The following RNF220 variants were observed in gnomAD, a reference collection of about 807,000 sequenced individuals.
RNF220 encodes ring finger protein 220, also known as E3 ubiquitin-protein ligase RNF220.
Under a neutral mutation model 67.1 loss-of-function variants are expected in RNF220, and 7 were observed. The observed-to-expected ratio is 0.10, with a 90% CI of 0.06 to 0.20. The LOEUF is 0.20. Ranked by LOEUF, RNF220 falls within the 10% of genes least tolerant of loss-of-function variation. The pLI is 1.00. For synonymous variants in RNF220, 270 were observed against 283.2 expected, an observed-to-expected ratio of 0.95 and a Z score of 0.47; for missense variants, 565 against 740.3, an observed-to-expected ratio of 0.76 and a Z score of 2.75.
At chr1:44,425,639 G>A (rs1195057137) in intron 2 of RNF220, among the ~76,000 whole-genome samples, 1 of 152,202 alleles carries the variant, frequency 6.6e-6, no homozygotes, top group East Asian at 1.9e-4. Context: ...GTGATGCTGG[G>A]TAAGTCTCTG....
chr1:44,473,668 C>T (rs1655020618), intron 2 of RNF220, among the ~76,000 whole-genome samples: 1 of 152,120 alleles, frequency 6.6e-6, no homozygotes, highest in African/African-American at 2.4e-5. Flanking sequence ...AGATAATTTC[C>T]TTCAGAGGGG....
chr1:44,463,482 T>C (rs1436319504), intron 2 of RNF220, among the ~76,000 whole-genome samples: 1 of 152,194 alleles, frequency 6.6e-6, no homozygotes, highest in Non-Finnish European at 1.5e-5. Context: ...TGAAATGATT[T>C]GTCGTTCTAA....
intron 3 of RNF220, among the ~76,000 whole-genome samples, chr1:44,615,813 T>C (rs1643521738): frequency 6.6e-6 from 1 of 152,230 alleles, no homozygotes; most frequent in Admixed American, 6.5e-5. Flanking sequence ...CAAACTACCC[T>C]AAAACCTAGC....
At chr1:44,637,439 G>A (rs956804731) in intron 8 of RNF220, among the ~76,000 whole-genome samples, 5 of 152,216 alleles carry the variant, frequency 3.3e-5, no homozygotes, top group Non-Finnish European at 7.3e-5. Context: ...CAGGGCTGAC[G>A]ACTGTCCCAT....
intron 8 of RNF220, among the ~76,000 whole-genome samples, chr1:44,641,049 T>G (rs1179451678): frequency 2.6e-5 from 4 of 152,194 alleles, no homozygotes; most frequent in African/African-American, 9.7e-5. Context: ...ACACTGATTT[T>G]TTTTTTCTCC....
chr1:44,461,304 C>A (rs921000100), intron 2 of RNF220, among the ~76,000 whole-genome samples: 5 of 152,154 alleles, frequency 3.3e-5, no homozygotes, highest in African/African-American at 9.7e-5. Context: ...CCCTTACTTG[C>A]ATGAACTCCT....
chr1:44,605,296 CAAAA>C (rs1553120199), intron 2 of RNF220, among the ~76,000 whole-genome samples: 1 of 52,076 alleles, frequency 1.9e-5, no homozygotes. Flanking sequence ...GACTCCGTCT[CAAAA>C]AAAAAAAAAA....
At position 44,636,071 on chromosome 1, in the gene RNF220, C is replaced by A; in HGVS notation, c.1035C>A (p.Ile345=). Residue 345 remains isoleucine, a synonymous_variant, in exon 8 of 15, where the codon ATC becomes ATA. Coordinates refer to ENST00000361799, the MANE Select transcript of RNF220 (RefSeq NM_018150.4). ...SCMAEDDAVD[I]EHENNNRFEE... Reference sequence around the variant, plus strand: ...TGGCTGAGGATGATGCTGTGGACATCGAGCATGAGAACAACAACCGCTTTG... The same window carrying A: ...TGGCTGAGGATGATGCTGTGGACATAGAGCATGAGAACAACAACCGCTTTG... The A allele has an allele frequency of 6.2e-7, 1 of 1,614,190 alleles. No individual in the cohort carries two copies. Among genetic ancestry groups the A allele is most frequent in the Non-Finnish European group, 8.5e-7 (1 of 1,180,038 alleles).
chr1:44,459,599 A>G (rs1462214408), intron 2 of RNF220, among the ~76,000 whole-genome samples: 1 of 152,198 alleles, frequency 6.6e-6, no homozygotes, highest in Non-Finnish European at 1.5e-5. Context: ...CGAACAAAAA[A>G]GTGAGATTTG....
At chr1:44,406,232 G>A (rs765398392) in intron 1 of RNF220, among the ~76,000 whole-genome samples, 3 of 152,190 alleles carry the variant, frequency 2.0e-5, no homozygotes, top group Non-Finnish European at 4.4e-5. Flanking sequence ...AGGGTGTGGA[G>A]GGAGGGAGGT....
chr1:44,450,163 T>G (rs948023855), intron 2 of RNF220, among the ~76,000 whole-genome samples: 4 of 151,950 alleles, frequency 2.6e-5, no homozygotes, highest in African/African-American at 9.7e-5. Flanking sequence ...GAGCCGAGAT[T>G]GCGCCATTGC....
chr1:44,641,994 C>T (rs941665346), intron 8 of RNF220, among the ~76,000 whole-genome samples: 1 of 152,252 alleles, frequency 6.6e-6, no homozygotes, highest in Admixed American at 6.5e-5. Context: ...AGGCCACCAG[C>T]TAACTAGGAC....
At chr1:44,463,538 C>CT (rs199692921) in intron 2 of RNF220, among the ~76,000 whole-genome samples, 223 of 144,230 alleles carry the variant, frequency 1.5e-3, no homozygotes, top group African/African-American at 4.4e-3. Context: ...AATTTTGTTT[C>CT]TTTTTTTTTT....
intron 8 of RNF220, chr1:44,644,345 T>C: frequency 4.5e-6 from 1 of 220,004 alleles, no homozygotes; most frequent in Non-Finnish European, 9.2e-6. Context: ...GTGAAATTCC[T>C]AGACCTGAAT....
chr1:44,425,904 C>T lies in RNF220; in HGVS notation c.625+13182C>T, dbSNP rs112176227. On this transcript the variant is annotated intron_variant, in intron 2 of 14. Transcript: ENST00000361799. Reference sequence around the variant, plus strand: ...GAGTGTTCAACCTAGAGGGAGCCCTCTGACATGCCATTCCCTCCTTGAAGC... The same window carrying T: ...GAGTGTTCAACCTAGAGGGAGCCCTTTGACATGCCATTCCCTCCTTGAAGC... Among the ~76,000 whole-genome samples, 73 of 152,298 alleles carry T rather than the reference C, an allele frequency of 4.8e-4. 1 individual carries two copies. The highest frequency in any genetic ancestry group is 1.8e-3 in the African/African-American group (73 of 41,564).
rs529084632 is a variant in RNF220, at chr1:44,520,313, A to C, written c.626-93852A>C. ...CCGTCTCTACTAAAAAATACAAAAA[A>C]AAATTAGCTGGGCATGGTGGCGGGC... On this transcript the variant is annotated intron_variant, in intron 2 of 14. Coordinates refer to ENST00000361799, the MANE Select transcript of RNF220 (RefSeq NM_018150.4). Among the ~76,000 whole-genome samples, 24 of 152,112 alleles carry C rather than the reference A, an allele frequency of 1.6e-4. No individual in the cohort carries two copies. In the South Asian group the frequency reaches 1.7e-3, roughly 11 times the overall value.
In RNF220 at chr1:44,605,311, A is replaced by AAG. The variant is rs1557428628; in HGVS notation, c.626-8852_626-8851dup. 1.0e-4 allele frequency among the ~76,000 whole-genome samples: 15 copies of AAG among 143,402 alleles called. 4 individuals carry two copies. The highest frequency in any genetic ancestry group is 3.4e-4 in the Admixed American group (5 of 14,574). The allele number at this position is 143,402 out of a possible 152,430, so 94.1% of individuals were successfully genotyped here. On this transcript the variant is annotated intron_variant, in intron 2 of 14. Coordinates refer to ENST00000361799, the MANE Select transcript of RNF220 (RefSeq NM_018150.4). ...GACTCCGTCTCAAAAAAAAAAAAAAAAGAAAAGAAAAGCATATATAGAAGG... is the reference window on the plus strand; with the variant it reads ...GACTCCGTCTCAAAAAAAAAAAAAAAAGAGAAAAGAAAAGCATATATAGAAGG...
At chr1:44,520,823 C>G (rs939848219) in intron 2 of RNF220, among the ~76,000 whole-genome samples, 2 of 152,176 alleles carry the variant, frequency 1.3e-5, no homozygotes, top group Non-Finnish European at 2.9e-5. Flanking sequence ...TTGTTCATGG[C>G]AAACACTCAG....
intron 2 of RNF220, among the ~76,000 whole-genome samples, chr1:44,444,955 A>G (rs1651930845): frequency 6.6e-6 from 1 of 152,220 alleles, no homozygotes; most frequent in African/African-American, 2.4e-5. Context: ...TGTATTCCCA[A>G]GAGGTTCTAC....
Sources: allele counts gnomAD v4.1 joint callset (sites outside exome capture counted in the v4.1 genomes callset), GRCh38; gene constraint gnomAD v4.1.1; transcripts MANE v1.5; gene names NCBI Gene and HGNC (gene_info 2026-07-23, HGNC 2026-07-21).